Variants in MED13L observed in about 807,000 individuals in gnomAD.
MED13L encodes the protein mediator complex subunit 13L.
MED13L carries 7 observed loss-of-function variants against 220.9 expected under a neutral mutation model. The observed-to-expected ratio is 0.03, with a 90% CI of 0.02 to 0.06. The LOEUF is 0.06. MED13L is among the 10% of genes least tolerant of loss of function. The pLI is 1.00. For synonymous variants in MED13L, 1,011 were observed against 1,015.2 expected, an observed-to-expected ratio of 1.00 and a Z score of 0.08; for missense variants, 1,965 against 2,760.5, an observed-to-expected ratio of 0.71 and a Z score of 6.46.
At chr12:116,108,343 C>A (rs1873769602) in intron 3 of MED13L, among the ~76,000 whole-genome samples, 2 of 128,852 alleles carry the variant, frequency 1.6e-5, no homozygotes, top group African/African-American at 6.1e-5. Flanking sequence ...TCGTGGGCCA[C>A]ACATAAAATA....
At chr12:116,185,385 G>C (rs1880816113) in intron 2 of MED13L, among the ~76,000 whole-genome samples, 1 of 151,004 alleles carries the variant, frequency 6.6e-6, no homozygotes, top group South Asian at 2.1e-4. Context: ...GAGGAGAGAG[G>C]ACACGAATTC....
chr12:116,229,743 C>A (rs1869370180), intron 2 of MED13L, among the ~76,000 whole-genome samples: 1 of 152,136 alleles, frequency 6.6e-6, no homozygotes, highest in Admixed American at 6.5e-5. Context: ...TATTATTTAT[C>A]AGTCTTAATA....
chr12:116,246,056 C>A (rs1322525321), intron 1 of MED13L, among the ~76,000 whole-genome samples: 1 of 152,148 alleles, frequency 6.6e-6, no homozygotes, highest in Non-Finnish European at 1.5e-5. Context: ...ATCAGGATTT[C>A]TAACTGCTCA....
chr12:116,088,322 T>C (rs1871889578), intron 4 of MED13L, among the ~76,000 whole-genome samples: 1 of 152,050 alleles, frequency 6.6e-6, no homozygotes, highest in African/African-American at 2.4e-5. Context: ...AAGAAGAGAA[T>C]CAAAGACACA....
At chr12:116,213,664 C>T (rs1357324669) in intron 2 of MED13L, among the ~76,000 whole-genome samples, 1 of 152,172 alleles carries the variant, frequency 6.6e-6, no homozygotes, top group Non-Finnish European at 1.5e-5. Context: ...CCACCCACCT[C>T]GGACTCCCAA....
chr12:116,101,394 T>A (rs1357338614), intron 3 of MED13L, among the ~76,000 whole-genome samples: 1 of 152,238 alleles, frequency 6.6e-6, no homozygotes, highest in African/African-American at 2.4e-5. Flanking sequence ...GAGAAATGAA[T>A]GCCATATACC....
intron 4 of MED13L, among the ~76,000 whole-genome samples, chr12:116,094,974 A>G (rs1291322770): frequency 6.6e-6 from 1 of 152,160 alleles, no homozygotes; most frequent in Non-Finnish European, 1.5e-5. Context: ...GTTCAAGACC[A>G]GCCATGGCAA....
rs542425590 is a variant in MED13L at position 116,007,645 on chromosome 12, CAAAAAAAAAA to C, written c.2013-19_2013-10del. 22 of 759,922 alleles carry C rather than the reference CAAAAAAAAAA, an allele frequency of 2.9e-5. No homozygotes were observed. The highest frequency in any genetic ancestry group is 4.3e-4 in the Middle Eastern group (1 of 2,324). 47.1% of individuals were successfully genotyped at this position (759,922 alleles called of 1,614,324 possible). A position where few individuals can be genotyped will look rare whatever the true frequency, so the allele number is the denominator to read the frequency against. On this transcript the variant is annotated splice_polypyrimidine_tract_variant and intron_variant, in intron 10 of 30. Transcript: ENST00000281928. ...TAGGTTGTGCTAAGAGTCTAAAAGA[CAAAAAAAAAA>C]AAAAAAAAAAGAGCATTTATGCCTT...
intron 5 of MED13L, among the ~76,000 whole-genome samples, chr12:116,020,578 G>A (rs1183838080): frequency 6.6e-6 from 1 of 152,246 alleles, no homozygotes; most frequent in South Asian, 2.1e-4. Context: ...AATAGTTATC[G>A]TTTCTGTTTT....
chr12:116,120,914 C>T (rs1016259969), intron 2 of MED13L, among the ~76,000 whole-genome samples: 1 of 152,062 alleles, frequency 6.6e-6, no homozygotes, highest in African/African-American at 2.4e-5. Flanking sequence ...ATCTAAAATG[C>T]ATGTAAAATA....
chr12:116,168,652 A>C (rs1043936973), intron 2 of MED13L, among the ~76,000 whole-genome samples: 3 of 152,200 alleles, frequency 2.0e-5, no homozygotes, highest in Non-Finnish European at 2.9e-5. Context: ...TGTGGATACA[A>C]ATCAACTTCT....
rs1042509757 is a variant in MED13L at position 116,260,601 on chromosome 12, G to A, written c.72+16459C>T. Among the ~76,000 whole-genome samples the A allele has an allele frequency of 2.6e-5, 4 of 152,080 alleles. No individual in the cohort carries two copies. In the East Asian group the frequency reaches 7.7e-4, roughly 29 times the overall value. Reference sequence around the variant, plus strand: ...GAAAGCTAAGTGTCACGGAAACAAAGAATAGAATGATAGGAACAAAAATTT... The same window carrying A: ...GAAAGCTAAGTGTCACGGAAACAAAAAATAGAATGATAGGAACAAAAATTT... On this transcript the variant is annotated intron_variant, in intron 1 of 30. Coordinates refer to ENST00000281928, the MANE Select transcript of MED13L (RefSeq NM_015335.5).
At chr12:116,237,341 T>C in intron 2 of MED13L, 127 bp downstream of exon 2, 1 of 796,868 alleles carries the variant, frequency 1.3e-6, no homozygotes, top group Non-Finnish European at 2.1e-6. Flanking sequence ...ATGTTCCTTT[T>C]GAGAGAGACA....
intron 4 of MED13L, among the ~76,000 whole-genome samples, chr12:116,087,327 A>G (rs982621401): frequency 6.6e-5 from 10 of 152,212 alleles, no homozygotes; most frequent in African/African-American, 2.4e-4. Context: ...TCTTTTTCTT[A>G]ACATTTTAAA....
In MED13L at chr12:116,277,397, AGCCGCCGCCGCCGCCGCTGCT is replaced by A. The variant is rs1301349233; in HGVS notation, c.-287_-267del. 1.6e-4 allele frequency: 2 copies of A among 12,802 alleles called. No individual in the cohort carries two copies. Among genetic ancestry groups the A allele is most frequent in the Admixed American group, 4.3e-3 (2 of 462 alleles). 0.8% of individuals were successfully genotyped at this position (12,802 alleles called of 1,614,324 possible). A position where few individuals can be genotyped will look rare whatever the true frequency, so the allele number is the denominator to read the frequency against. On this transcript the variant is annotated 5_prime_UTR_variant, in exon 1 of 31. Coordinates refer to ENST00000281928, the MANE Select transcript of MED13L (RefSeq NM_015335.5). ...ACCGCCTCCGCCTTCCCTGCTCCTC[AGCCGCCGCCGCCGCCGCTGCT>A]GCCGCTGCCGCCGCCTTGTTTATCT...
At position 116,019,416 on chromosome 12, in the gene MED13L, T is replaced by C. The variant is rs1273203456; in HGVS notation, c.821-4A>G. 6.2e-7 allele frequency: 1 copy of C among 1,613,530 alleles called. No homozygotes were observed. The highest frequency in any genetic ancestry group is 8.5e-7 in the Non-Finnish European group (1 of 1,179,574). ...GGGTAAACCATCCGAACACCACCTA[T>C]AAGCAAAGAGAACAAGGAAAGAATC... is the stretch of plus-strand genomic sequence containing the variant. On this transcript the variant is annotated splice_region_variant and splice_polypyrimidine_tract_variant and intron_variant, in intron 6 of 30. Coordinates refer to ENST00000281928, the MANE Select transcript of MED13L (RefSeq NM_015335.5).
At chr12:116,105,150 A>G (rs1262317108) in intron 3 of MED13L, among the ~76,000 whole-genome samples, 3 of 152,214 alleles carry the variant, frequency 2.0e-5, no homozygotes, top group Non-Finnish European at 4.4e-5. Flanking sequence ...TTTTTTTCCC[A>G]TCGTCTATTG....
intron 3 of MED13L, among the ~76,000 whole-genome samples, chr12:116,102,126 A>G (rs1301543114): frequency 2.0e-5 from 3 of 152,226 alleles, no homozygotes; most frequent in Non-Finnish European, 4.4e-5. Context: ...GCTGCTGAAA[A>G]ATGAAAATGA....
chr12:116,048,983 T>C (rs1480358856), intron 4 of MED13L, among the ~76,000 whole-genome samples: 1 of 152,186 alleles, frequency 6.6e-6, no homozygotes, highest in Non-Finnish European at 1.5e-5. Context: ...AATAAGACAT[T>C]TGCACTTTTA....
Sources: allele counts gnomAD v4.1 joint callset (sites outside exome capture counted in the v4.1 genomes callset), GRCh38; gene constraint gnomAD v4.1.1; transcripts MANE v1.5; gene names NCBI Gene and HGNC (gene_info 2026-07-23, HGNC 2026-07-21).